PRDM6: variants seen among roughly 807,000 people sequenced by gnomAD.
PRDM6 encodes PR/SET domain 6, also known as putative histone-lysine N-methyltransferase PRDM6.
PRDM6 carries 25 observed loss-of-function variants against 60.8 expected under a neutral mutation model. That is an observed-to-expected ratio of 0.41 (90% confidence interval 0.30 to 0.57). The LOEUF (loss-of-function observed/expected upper bound fraction) is 0.57. PRDM6 is among the 20% of genes least tolerant of loss of function. The pLI, the probability that PRDM6 is intolerant of heterozygous loss-of-function variation, is 0.27. For synonymous variants in PRDM6, 407 were observed against 357.4 expected (o/e 1.14, Z -1.57); for missense variants, 839 against 821.3 (o/e 1.02, Z -0.26).
rs1766385047 is a variant in PRDM6, at chr5:123,190,383, C to T, written c.*3182C>T. 1.3e-5 allele frequency: 2 copies of T among 152,166 alleles called. No individual in the cohort carries two copies. Among genetic ancestry groups the T allele is most frequent in the Admixed American group, 1.3e-4 (2 of 15,274 alleles). 9.4% of individuals were successfully genotyped at this position (152,166 alleles called of 1,614,324 possible). ...GTATTTTCCCCAGGATATGTGCATA[C>T]ATTTTTCATAGATAAGCTTTTCATT... On this transcript the variant is annotated 3_prime_UTR_variant, in exon 8 of 8. Coordinates refer to ENST00000407847, the MANE Select transcript of PRDM6 (RefSeq NM_001136239.4).
chr5:123,142,903 C>CAAAAAAAAAAAAAAAAAA (rs1337695138), intron 3 of PRDM6, among the ~76,000 whole-genome samples: 1 of 68,128 alleles, frequency 1.5e-5, no homozygotes, highest in Non-Finnish European at 2.8e-5. Context: ...AAAAAAAAAA[C>CAAAAAAAAAAAAAAAAAA]AAACAAACCA....
At chr5:123,141,856 C>T (rs1014319017) in intron 3 of PRDM6, among the ~76,000 whole-genome samples, 15 of 152,126 alleles carry the variant, frequency 9.9e-5, no homozygotes, top group African/African-American at 3.6e-4. Context: ...CTCACAGAAA[C>T]TCTGTAATAT....
At chr5:123,168,887 C>T (rs1446193910) in intron 5 of PRDM6, among the ~76,000 whole-genome samples, 2 of 152,250 alleles carry the variant, frequency 1.3e-5, no homozygotes, top group Admixed American at 1.3e-4. Context: ...TCTGTGCCCA[C>T]ACATGGCATC....
intron 7 of PRDM6, among the ~76,000 whole-genome samples, chr5:123,184,508 C>A (rs1326950162): frequency 6.6e-6 from 1 of 152,160 alleles, no homozygotes; most frequent in East Asian, 1.9e-4. Context: ...GCTTTTCCCT[C>A]CTGACGCATT....
chr5:123,170,649 G>T (rs1765866106), intron 5 of PRDM6, 117 bp from the exon 6 acceptor site: 12 of 773,858 alleles, frequency 1.6e-5, no homozygotes, highest in Non-Finnish European at 2.3e-5. Flanking sequence ...TTAATTCTGA[G>T]TCCAGAAACA....
At chr5:123,126,235 A>G (rs1764691524) in intron 3 of PRDM6, among the ~76,000 whole-genome samples, 1 of 152,148 alleles carries the variant, frequency 6.6e-6, no homozygotes, top group South Asian at 2.1e-4. Context: ...TCTGAGGGGT[A>G]GTATCAATGA....
At position 123,095,066 on chromosome 5, in the gene PRDM6, C is replaced by T. The variant is rs866044302; in HGVS notation, c.592+4460C>T. Reference sequence around the variant, plus strand: ...AGAGAATTCCCAGGAGCTGGGCCGCCCCGCAGGGTCGAGACTGAAATCAAT... The same window carrying T: ...AGAGAATTCCCAGGAGCTGGGCCGCTCCGCAGGGTCGAGACTGAAATCAAT... On this transcript the variant is annotated intron_variant, in intron 2 of 7. Coordinates refer to ENST00000407847, the MANE Select transcript of PRDM6 (RefSeq NM_001136239.4). Among the ~76,000 whole-genome samples the T allele has an allele frequency of 7.2e-5, 11 of 152,218 alleles. 1 individual carries two copies. Among genetic ancestry groups the T allele is most frequent in the Admixed American group, 2.0e-4 (3 of 15,288 alleles).
chr5:123,138,032 C>CCT (rs1554088086), intron 3 of PRDM6, among the ~76,000 whole-genome samples: 3 of 151,760 alleles, frequency 2.0e-5, no homozygotes, highest in Non-Finnish European at 2.9e-5. Context: ...GGTTCACCCC[C>CCT]GCACCTTTCA....
At chr5:123,148,278 G>T (rs1005666006) in intron 3 of PRDM6, among the ~76,000 whole-genome samples, 6 of 152,178 alleles carry the variant, frequency 3.9e-5, no homozygotes, top group Non-Finnish European at 8.8e-5. Flanking sequence ...CAGCAATGGT[G>T]TATATAACCA....
At position 123,191,836 on chromosome 5, in the gene PRDM6, CCAGA is replaced by C. The variant is rs1766438873; in HGVS notation, c.*4640_*4643del. On this transcript the variant is annotated 3_prime_UTR_variant, in exon 8 of 8. Coordinates refer to ENST00000407847, the MANE Select transcript of PRDM6 (RefSeq NM_001136239.4). The stretch of plus-strand genomic sequence containing the variant: ...GAGATCAGCTGTCAGGTACAACTGG[CCAGA>C]CAGAGCCAAACTGAAAAGAATATTG... 1 of 152,110 alleles carries C rather than the reference CCAGA, an allele frequency of 6.6e-6. No homozygotes were observed. The highest frequency in any genetic ancestry group is 1.5e-5 in the Non-Finnish European group (1 of 68,024). 9.4% of individuals were successfully genotyped at this position (152,110 alleles called of 1,614,324 possible).
chr5:123,147,108 G>A (rs554829887), intron 3 of PRDM6, among the ~76,000 whole-genome samples: 12 of 152,004 alleles, frequency 7.9e-5, no homozygotes, highest in African/African-American at 2.9e-4. Flanking sequence ...ATAAGTTTTC[G>A]CAGGATCCAA....
chr5:123,157,057 C>G (rs1446405182), intron 4 of PRDM6, among the ~76,000 whole-genome samples: 1 of 149,370 alleles, frequency 6.7e-6, no homozygotes, highest in South Asian at 2.1e-4. Flanking sequence ...ATTTATTTTC[C>G]TTTCCTTTTT....
At position 123,170,886 on chromosome 5, in the gene PRDM6, C is replaced by G; in HGVS notation, c.1274C>G (p.Pro425Arg). The G allele has an allele frequency of 6.4e-7, 1 of 1,552,242 alleles. No homozygotes were observed. The highest frequency in any genetic ancestry group is 8.7e-7 in the Non-Finnish European group (1 of 1,147,114). The change falls in exon 6 of 8, where the codon CCG (proline) becomes CGG (arginine). Residue 425 changes from proline (P) to arginine (R), a missense_variant. Transcript: ENST00000407847. Reference sequence around the variant, plus strand: ...CGCTCCGTTGTTTTCCCCCAGACTCCGTGCAGCAGGAACTTCTCTCTTCTG... The same window carrying G: ...CGCTCCGTTGTTTTCCCCCAGACTCGGTGCAGCAGGAACTTCTCTCTTCTG... ...QQRSVVFPQT[P>R]CSRNFSLLDK...
chr5:123,167,868 A>G (rs138699862), intron 5 of PRDM6, among the ~76,000 whole-genome samples: 493 of 152,102 alleles, frequency 3.2e-3, no homozygotes, highest in Middle Eastern at 0.01. Flanking sequence ...GGTTTTTCTC[A>G]CCATGCATTA....
chr5:123,090,311 G>GGCCGCTGCC lies in PRDM6; in HGVS notation c.303_311dup (p.Ala102_Ala104dup). 1 of 1,373,510 alleles carries GGCCGCTGCC rather than the reference G, an allele frequency of 7.3e-7. No homozygotes were observed. The highest frequency in any genetic ancestry group is 9.6e-7 in the Non-Finnish European group (1 of 1,041,966). 85.1% of individuals were successfully genotyped at this position (1,373,510 alleles called of 1,614,324 possible). A position where few individuals can be genotyped will look rare whatever the true frequency, so the allele number is the denominator to read the frequency against. ...CCTCCGCCTCCTCCTGCGCTGCTGC[G>GGCCGCTGCC]GCCGCTGCCGCCGCGCTGGCTGGTC... is the stretch of plus-strand genomic sequence containing the variant. On this transcript the variant is annotated inframe_insertion, in exon 2 of 8. Coordinates refer to ENST00000407847, the MANE Select transcript of PRDM6 (RefSeq NM_001136239.4).
intron 7 of PRDM6, 48 bp from the exon 8 acceptor site, chr5:123,187,039 C>T: frequency 7.2e-7 from 1 of 1,396,004 alleles, no homozygotes; most frequent in Non-Finnish European, 9.9e-7. Context: ...GCCCATCACC[C>T]TGCAGGCCCC....
At chr5:123,174,630 C>A (rs1325269411) in intron 6 of PRDM6, among the ~76,000 whole-genome samples, 1 of 152,166 alleles carries the variant, frequency 6.6e-6, no homozygotes, top group Non-Finnish European at 1.5e-5. Context: ...TGTCTGTATT[C>A]ATGAGCTTTT....
At chr5:123,098,634 A>G (rs1176748172) in intron 2 of PRDM6, among the ~76,000 whole-genome samples, 1 of 152,224 alleles carries the variant, frequency 6.6e-6, no homozygotes, top group Non-Finnish European at 1.5e-5. Flanking sequence ...AGAGTGTCGG[A>G]GAGAGACAGC....
intron 2 of PRDM6, among the ~76,000 whole-genome samples, chr5:123,098,199 G>T (rs1277557631): frequency 6.6e-6 from 1 of 152,240 alleles, no homozygotes; most frequent in African/African-American, 2.4e-5. Context: ...AAGGCTGGCG[G>T]CGGCAGGTAC....
Sources: gnomAD v4.1 joint callset for allele counts (sites outside exome capture counted in the v4.1 genomes callset) on GRCh38, gnomAD v4.1.1 for gene constraint, MANE v1.5 for transcripts, NCBI Gene and HGNC (gene_info 2026-07-23, HGNC 2026-07-21) for gene names.